CSMD2: variants seen among roughly 807,000 people sequenced by gnomAD.
The protein encoded by CSMD2 is CUB and Sushi multiple domains 2.
A neutral mutation model predicts 398.5 loss-of-function variants in CSMD2; 130 were observed. The ratio of observed to expected loss-of-function variants is 0.33; its 90% confidence interval spans 0.28 to 0.38. The LOEUF (loss-of-function observed/expected upper bound fraction) is 0.38, where lower values mean the gene tolerates loss of function less well. Ranked by LOEUF, CSMD2 falls within the 10% of genes least tolerant of loss-of-function variation. The pLI is 1.00. For missense variants in CSMD2, 3,829 were observed against 4,764.9 expected (o/e 0.80, Z 5.78); for synonymous variants, 1,828 against 1,908.5 (o/e 0.96, Z 1.10).
At chr1:33,924,475 T>C (rs1644055810) in intron 4 of CSMD2, among the ~76,000 whole-genome samples, 2 of 152,246 alleles carry the variant, frequency 1.3e-5, no homozygotes, top group Non-Finnish European at 2.9e-5. Context: ...ATATCTTTGC[T>C]GTTATGAATT....
chr1:33,837,071 CA>C (rs1457951228), intron 6 of CSMD2, among the ~76,000 whole-genome samples: 1 of 152,160 alleles, frequency 6.6e-6, no homozygotes, highest in African/African-American at 2.4e-5. Context: ...TGAGCAATCC[CA>C]GGGAAGCAGT....
intron 13 of CSMD2, among the ~76,000 whole-genome samples, chr1:33,748,361 AC>A (rs908653989): frequency 2.0e-5 from 3 of 152,164 alleles, no homozygotes; most frequent in African/African-American, 7.2e-5. Flanking sequence ...GAGATCAGGC[AC>A]CTTCCTCCTT....
Position 33,772,638 on chromosome 1 carries a change from G to A in CSMD2, c.1777C>T (p.Leu593=). The change falls in exon 13 of 71, where the codon CTG becomes TTG. Residue 593 remains leucine (L), a synonymous_variant. Coordinates refer to ENST00000373381, the MANE Select transcript of CSMD2 (RefSeq NM_001281956.2). ...LKFECQPAFE[L]VGQKAITCQK... is the part of the protein sequence containing the mutation. Reference sequence around the variant, plus strand: ...CATGTGATTGCCTTCTGTCCCACCAGCTCAAAGGCGGGCTGGCACTCAAAC... The same window carrying A: ...CATGTGATTGCCTTCTGTCCCACCAACTCAAAGGCGGGCTGGCACTCAAAC... 1.2e-6 allele frequency: 2 copies of A among 1,614,136 alleles called. No individual in the cohort carries two copies. The highest frequency in any genetic ancestry group is 1.7e-6 in the Non-Finnish European group (2 of 1,180,002).
At chr1:33,840,755 G>T (rs2125064605) in intron 6 of CSMD2, among the ~76,000 whole-genome samples, 1 of 152,310 alleles carries the variant, frequency 6.6e-6, no homozygotes, top group South Asian at 2.1e-4. Context: ...CAGTTTTGTG[G>T]ACCCTGGGCT....
At chr1:34,147,508 C>G (rs1005177846) in intron 1 of CSMD2, among the ~76,000 whole-genome samples, 1 of 151,916 alleles carries the variant, frequency 6.6e-6, no homozygotes, top group Non-Finnish European at 1.5e-5. Context: ...ATGTGGTGCC[C>G]TAGGCTGGAG....
intron 12 of CSMD2, among the ~76,000 whole-genome samples, chr1:33,777,248 C>T (rs1012079673): frequency 6.6e-6 from 1 of 152,088 alleles, no homozygotes; most frequent in Non-Finnish European, 1.5e-5. Flanking sequence ...GCAAAGAGTT[C>T]TAAGGCATTG....
At chr1:33,620,067 G>A (rs1454678960) in intron 37 of CSMD2, among the ~76,000 whole-genome samples, 1 of 152,190 alleles carries the variant, frequency 6.6e-6, no homozygotes, top group East Asian at 1.9e-4. Flanking sequence ...AGAGAAAAAT[G>A]GAGGGGGATA....
chr1:33,920,169 C>T (rs745904242), intron 4 of CSMD2, among the ~76,000 whole-genome samples: 17 of 151,932 alleles, frequency 1.1e-4, no homozygotes, highest in East Asian at 3.9e-4. Flanking sequence ...AGAGCATTCA[C>T]GGAAGATAGA....
intron 2 of CSMD2, among the ~76,000 whole-genome samples, chr1:34,063,563 T>C (rs1654765102): frequency 6.6e-6 from 1 of 152,228 alleles, no homozygotes; most frequent in Non-Finnish European, 1.5e-5. Flanking sequence ...CAGGTCATGC[T>C]GATGCAAGAG....
intron 5 of CSMD2, among the ~76,000 whole-genome samples, chr1:33,892,899 G>C (rs750378584): frequency 6.6e-6 from 1 of 152,214 alleles, no homozygotes; most frequent in Non-Finnish European, 1.5e-5. Flanking sequence ...GGGCATCCCT[G>C]GGCCCTCAGC....
intron 25 of CSMD2, among the ~76,000 whole-genome samples, chr1:33,690,745 T>G (rs1645208421): frequency 6.6e-6 from 1 of 152,206 alleles, no homozygotes; most frequent in African/African-American, 2.4e-5. Flanking sequence ...TATACTTGGG[T>G]CTTGCTTCAT....
chr1:33,542,604 G>T, intron 58 of CSMD2, 116 bp downstream of exon 58: 1 of 907,134 alleles, frequency 1.1e-6, no homozygotes, highest in Non-Finnish European at 1.6e-6. Flanking sequence ...TATCGTTCAG[G>T]TTCAAGTCCG....
At chr1:33,854,945 T>C (rs1638970267) in intron 5 of CSMD2, among the ~76,000 whole-genome samples, 1 of 152,166 alleles carries the variant, frequency 6.6e-6, no homozygotes, top group South Asian at 2.1e-4. Context: ...TGGCTTGGTG[T>C]GTCAGTTTCC....
At chr1:33,654,430 C>G (rs1643888942) in intron 27 of CSMD2, among the ~76,000 whole-genome samples, 2 of 152,134 alleles carry the variant, frequency 1.3e-5, no homozygotes, top group Admixed American at 6.5e-5. Flanking sequence ...GTAGCAGTAG[C>G]CAGAGTAGAG....
intron 37 of CSMD2, among the ~76,000 whole-genome samples, chr1:33,621,801 T>A (rs924955852): frequency 6.6e-6 from 1 of 152,110 alleles, no homozygotes; most frequent in Non-Finnish European, 1.5e-5. Flanking sequence ...AGGAGGAACT[T>A]CAAAAATAAT....
At chr1:33,625,732 C>T (rs1490090281) in intron 33 of CSMD2, among the ~76,000 whole-genome samples, 1 of 152,186 alleles carries the variant, frequency 6.6e-6, no homozygotes, top group Non-Finnish European at 1.5e-5. Flanking sequence ...CCGGGATGGC[C>T]TCCCCTGTGA....
chr1:33,569,387 T>A lies in CSMD2; in HGVS notation c.8118A>T (p.Glu2706Asp). ...GAGGTCACTTACCAAGGCAGCGGAC[T>A]TCAGAGCCACTCCAGAGCCCATTGG... ...CMANGLWSGSEVRCLATQTKL... is the reference protein window; with the variant it reads ...CMANGLWSGSDVRCLATQTKL... The change falls in exon 52 of 71, where the codon GAA becomes GAT. Residue 2706 changes from glutamate (E) to aspartate (D), a missense_variant. Glu to Asp is a conservative substitution (Grantham distance 45, BLOSUM62 2). Coordinates refer to ENST00000373381, the MANE Select transcript of CSMD2 (RefSeq NM_001281956.2). 6 of 1,613,630 alleles carry A rather than the reference T, an allele frequency of 3.7e-6. No individual in the cohort carries two copies. The highest frequency in any genetic ancestry group is 5.1e-6 in the Non-Finnish European group (6 of 1,179,874).
chr1:34,025,436 G>A (rs1262934564), intron 3 of CSMD2, among the ~76,000 whole-genome samples: 1 of 152,114 alleles, frequency 6.6e-6, no homozygotes, highest in Non-Finnish European at 1.5e-5. Context: ...CTCAATGAAC[G>A]AAGAAATCTC....
intron 5 of CSMD2, among the ~76,000 whole-genome samples, chr1:33,876,518 C>T (rs1640850826): frequency 6.6e-6 from 1 of 152,220 alleles, no homozygotes; most frequent in South Asian, 2.1e-4. Flanking sequence ...TGAGTATTTA[C>T]TGAACGCCAG....
Sources: gnomAD v4.1 joint callset for allele counts (sites outside exome capture counted in the v4.1 genomes callset) on GRCh38, gnomAD v4.1.1 for gene constraint, MANE v1.5 for transcripts, NCBI Gene and HGNC (gene_info 2026-07-23, HGNC 2026-07-21) for gene names.